Variants in PHACTR3 observed in about 807,000 individuals in gnomAD.
The protein encoded by PHACTR3 is phosphatase and actin regulator 3.
A neutral mutation model predicts 66.8 loss-of-function variants in PHACTR3; 16 were observed. The ratio of observed to expected loss-of-function variants is 0.24; its 90% CI spans 0.16 to 0.36. PHACTR3 has a LOEUF of 0.36. PHACTR3 is among the 10% of genes least tolerant of loss of function. The pLI is 1.00. For synonymous variants in PHACTR3, 323 were observed against 292.1 expected, an observed-to-expected ratio of 1.11 and a Z score of -1.08; for missense variants, 647 against 719.9, an observed-to-expected ratio of 0.90 and a Z score of 1.16.
Position 59,773,300 on chromosome 20 carries a change from C to A in PHACTR3, c.773C>A (p.Ala258Asp), listed in dbSNP as rs2040416149. 1.9e-6 allele frequency: 3 copies of A among 1,613,912 alleles called. No homozygotes were observed. The highest frequency in any genetic ancestry group is 2.5e-6 in the Non-Finnish European group (3 of 1,179,936). ...NVTGQATLFQ[A>D]SSMKSADPSL... ...CCAGGCCAAGCCACACTCTTCCAAG[C>A]CTCCAGCATGAAGAGTGCCGACCCT... is the stretch of plus-strand genomic sequence containing the variant. The change falls in exon 6 of 13, where the codon GCC becomes GAC. Residue 258 changes from alanine (A) to aspartate (D), a missense_variant. This residue lies in a region of PHACTR3 where 577 missense variants were observed against 571.1 expected (regional missense o/e 1.01). Coordinates refer to ENST00000371015, the MANE Select transcript of PHACTR3 (RefSeq NM_080672.5).
intron 7 of PHACTR3, among the ~76,000 whole-genome samples, chr20:59,782,949 A>G (rs972724302): frequency 2.0e-5 from 3 of 152,228 alleles, no homozygotes; most frequent in Admixed American, 6.5e-5. Context: ...ATGTAAAGAA[A>G]GCCTTCTTTG....
intron 1 of PHACTR3, among the ~76,000 whole-genome samples, chr20:59,707,559 T>C (rs1301779375): frequency 6.7e-6 from 1 of 148,858 alleles, no homozygotes; most frequent in Admixed American, 6.8e-5. Flanking sequence ...CTCTGCCTCC[T>C]GGGTTCAAGT....
At chr20:59,720,479 A>G (rs2038252616) in intron 1 of PHACTR3, among the ~76,000 whole-genome samples, 1 of 152,156 alleles carries the variant, frequency 6.6e-6, no homozygotes, top group Non-Finnish European at 1.5e-5. Flanking sequence ...GCTCCACCAG[A>G]GACCATGGTG....
intron 7 of PHACTR3, among the ~76,000 whole-genome samples, chr20:59,787,482 C>T (rs1166368783): frequency 6.6e-6 from 1 of 152,194 alleles, no homozygotes; most frequent in African/African-American, 2.4e-5. Flanking sequence ...AGGGGAGTGG[C>T]CATGTGCAGC....
chr20:59,613,687 A>G (rs2033934009), intron 1 of PHACTR3, among the ~76,000 whole-genome samples: 1 of 152,254 alleles, frequency 6.6e-6, no homozygotes, highest in Non-Finnish European at 1.5e-5. Flanking sequence ...TGATCAAAAC[A>G]AAACATGTCT....
chr20:59,841,295 T>G lies in PHACTR3; in HGVS notation c.1447-100T>G, dbSNP rs1191622746. 3.2e-6 allele frequency: 4 copies of G among 1,241,696 alleles called. No individual in the cohort carries two copies. The African/African-American group carries it at 6.1e-5, about 19-fold the overall frequency. The allele number at this position is 1,241,696 out of a possible 1,614,324, so 76.9% of individuals were successfully genotyped here. On this transcript the variant is annotated intron_variant, in intron 10 of 12. Transcript: ENST00000371015. ...ATATTTTCCAGTTTCAGGTTTTTTTTGTTTTGTTTTGTTTTTTAAGAGAAG... is the reference window on the plus strand; with the variant it reads ...ATATTTTCCAGTTTCAGGTTTTTTTGGTTTTGTTTTGTTTTTTAAGAGAAG...
At chr20:59,816,379 C>T (rs1241279492) in intron 8 of PHACTR3, among the ~76,000 whole-genome samples, 1 of 152,190 alleles carries the variant, frequency 6.6e-6, no homozygotes, top group Non-Finnish European at 1.5e-5. Context: ...CTAGAGCAGT[C>T]TGCACGCTGG....
chr20:59,750,065 A>G (rs1439822641), intron 3 of PHACTR3, among the ~76,000 whole-genome samples: 1 of 152,184 alleles, frequency 6.6e-6, no homozygotes, highest in African/African-American at 2.4e-5. Context: ...GGTCTGTGCT[A>G]GCTGCTGAGG....
intron 1 of PHACTR3, among the ~76,000 whole-genome samples, chr20:59,671,047 G>C (rs1568693119): frequency 2.0e-5 from 3 of 152,172 alleles, no homozygotes; most frequent in African/African-American, 4.8e-5. Context: ...CTCCTCCCTG[G>C]TCCAATGGGA....
intron 1 of PHACTR3, among the ~76,000 whole-genome samples, chr20:59,587,131 G>A (rs570239624): frequency 6.6e-6 from 1 of 152,218 alleles, no homozygotes; most frequent in South Asian, 2.1e-4. Context: ...TAGGTGGGAT[G>A]TGGTGCCCCA....
intron 1 of PHACTR3, among the ~76,000 whole-genome samples, chr20:59,713,312 T>G (rs906611460): frequency 3.9e-5 from 6 of 152,230 alleles, no homozygotes; most frequent in African/African-American, 1.2e-4. Context: ...AGGACATTAC[T>G]TTGCACAGAG....
At chr20:59,656,470 T>C (rs564435779) in intron 1 of PHACTR3, among the ~76,000 whole-genome samples, 2 of 152,096 alleles carry the variant, frequency 1.3e-5, no homozygotes, top group African/African-American at 4.8e-5. Flanking sequence ...CTAGCTTTTG[T>C]ATGATTGCTG....
intron 1 of PHACTR3, among the ~76,000 whole-genome samples, chr20:59,634,425 C>A (rs938485851): frequency 6.6e-6 from 1 of 152,148 alleles, no homozygotes; most frequent in African/African-American, 2.4e-5. Flanking sequence ...AATGTGGTGT[C>A]CAGCACAGAG....
At chr20:59,597,137 G>T (rs1164546295) in intron 1 of PHACTR3, among the ~76,000 whole-genome samples, 1 of 152,244 alleles carries the variant, frequency 6.6e-6, no homozygotes, top group East Asian at 1.9e-4. Context: ...ATTATGGAAA[G>T]AATGTAGGAG....
chr20:59,807,617 A>T (rs2041609416), intron 8 of PHACTR3, among the ~76,000 whole-genome samples: 1 of 152,200 alleles, frequency 6.6e-6, no homozygotes, highest in Non-Finnish European at 1.5e-5. Context: ...GCACGGTTAC[A>T]CGCACTAGAC....
intron 4 of PHACTR3, among the ~76,000 whole-genome samples, chr20:59,763,374 A>G (rs1055371654): frequency 6.6e-6 from 1 of 152,220 alleles, no homozygotes; most frequent in Non-Finnish European, 1.5e-5. Flanking sequence ...TAGCAGTGTA[A>G]GAAGAGACTA....
intron 1 of PHACTR3, among the ~76,000 whole-genome samples, chr20:59,657,819 T>C (rs1420108954): frequency 1.3e-5 from 2 of 152,184 alleles, no homozygotes; most frequent in Admixed American, 6.5e-5. Context: ...ATTTGTTGAG[T>C]ACCTGGGATG....
chr20:59,643,871 T>A (rs2035189984), intron 1 of PHACTR3, among the ~76,000 whole-genome samples: 1 of 152,186 alleles, frequency 6.6e-6, no homozygotes, highest in African/African-American at 2.4e-5. Context: ...AGTTTGGATA[T>A]CCTGTGAAAG....
At chr20:59,607,797 C>T (rs1189050948) in intron 1 of PHACTR3, among the ~76,000 whole-genome samples, 2 of 152,196 alleles carry the variant, frequency 1.3e-5, no homozygotes, top group Admixed American at 6.5e-5. Flanking sequence ...TATCCATCTC[C>T]CTTTCCCTTT....
Sources: allele counts gnomAD v4.1 joint callset (sites outside exome capture counted in the v4.1 genomes callset), GRCh38; gene constraint gnomAD v4.1.1; regional missense constraint gnomAD v4.1.1; transcripts MANE v1.5; gene names NCBI Gene and HGNC (gene_info 2026-07-23, HGNC 2026-07-21).